Variants in CDK14 observed in about 807,000 individuals in gnomAD.
CDK14 encodes cyclin dependent kinase 14.
CDK14 carries 34 observed loss-of-function variants against 60.7 expected under a neutral mutation model. The ratio of observed to expected loss-of-function variants is 0.56; its 90% confidence interval spans 0.43 to 0.75. CDK14 has a LOEUF of 0.75. Ranked by LOEUF, CDK14 falls within the 30% of genes least tolerant of loss-of-function variation. The pLI is 0.00. For synonymous variants in CDK14, 197 were observed against 203.7 expected (o/e 0.97, Z 0.28); for missense variants, 482 against 564.1 (o/e 0.85, Z 1.47).
intron 2 of CDK14, among the ~76,000 whole-genome samples, chr7:90,660,640 A>T (rs1335455567): frequency 2.0e-5 from 3 of 152,242 alleles, no homozygotes; most frequent in Non-Finnish European, 4.4e-5. Context: ...ATACAATATC[A>T]GTGTCATACA....
At chr7:90,939,415 C>T (rs996405370) in intron 8 of CDK14, among the ~76,000 whole-genome samples, 1 of 152,168 alleles carries the variant, frequency 6.6e-6, no homozygotes, top group African/African-American at 2.4e-5. Context: ...CTTCTGTGAA[C>T]ACTCTTGGTC....
intron 5 of CDK14, among the ~76,000 whole-genome samples, chr7:90,845,833 G>C (rs1335524994): frequency 6.6e-6 from 1 of 152,012 alleles, no homozygotes; most frequent in Non-Finnish European, 1.5e-5. Flanking sequence ...CACTAAGTTA[G>C]GGTGGCAGTT....
intron 6 of CDK14, among the ~76,000 whole-genome samples, chr7:90,896,481 A>G (rs901981699): frequency 1.3e-5 from 2 of 152,148 alleles, no homozygotes; most frequent in Admixed American, 1.3e-4. Flanking sequence ...TCTTATTCCG[A>G]ATTTTTATTT....
At position 90,724,011 on chromosome 7, in the gene CDK14, C is replaced by A. The variant is rs1451660823; in HGVS notation, c.124-2556C>A. Among the ~76,000 whole-genome samples the A allele has an allele frequency of 2.6e-5, 4 of 152,240 alleles. 1 individual carries two copies. The South Asian group carries it at 6.2e-4, about 24-fold the overall frequency. ...GAAAGGGTTTCTGTACAATTGAAGT[C>A]ATTTCTTCCTTTAATGTTTGTTTTA... On this transcript the variant is annotated intron_variant, in intron 2 of 14. Coordinates refer to ENST00000380050, the MANE Select transcript of CDK14 (RefSeq NM_001287135.2).
At chr7:91,077,922 T>A (rs369106173) in intron 11 of CDK14, among the ~76,000 whole-genome samples, 1 of 152,082 alleles carries the variant, frequency 6.6e-6, no homozygotes, top group Non-Finnish European at 1.5e-5. Flanking sequence ...GTAGAAGAAA[T>A]GTAAATGGCC....
At chr7:91,054,800 A>G (rs1018574409) in intron 11 of CDK14, among the ~76,000 whole-genome samples, 6 of 152,218 alleles carry the variant, frequency 3.9e-5, no homozygotes. Flanking sequence ...TAGACAAATT[A>G]CAACTTACCA....
intron 8 of CDK14, among the ~76,000 whole-genome samples, chr7:90,922,232 T>C (rs1793275366): frequency 2.0e-5 from 3 of 152,222 alleles, no homozygotes; most frequent in Admixed American, 2.0e-4. Flanking sequence ...TGTATCTTTC[T>C]TTTAGAATAT....
At chr7:90,791,461 C>A (rs1022414124) in intron 5 of CDK14, among the ~76,000 whole-genome samples, 30 of 152,138 alleles carry the variant, frequency 2.0e-4, no homozygotes, top group Admixed American at 7.2e-4. Flanking sequence ...TTCTCTTCAT[C>A]CATAACAAGA....
At chr7:91,059,781 A>C (rs199600560) in intron 11 of CDK14, among the ~76,000 whole-genome samples, 4 of 126,008 alleles carry the variant, frequency 3.2e-5, no homozygotes, top group African/African-American at 8.7e-5. Context: ...AGTTTGTTAT[A>C]ATTTCTGTTC....
intron 2 of CDK14, chr7:90,710,420 A>G (rs1427637770): frequency 2.0e-6 from 2 of 985,176 alleles, no homozygotes; most frequent in Non-Finnish European, 2.4e-6. Context: ...ACTGATGTCC[A>G]TGAATTTAGC....
intron 8 of CDK14, among the ~76,000 whole-genome samples, chr7:90,950,969 CATAAG>C (rs56657606): frequency 0.15 from 23,097 of 152,088 alleles, 1,833 homozygotes; most frequent in Non-Finnish European, 0.18. Flanking sequence ...GTTACCACAT[CATAAG>C]ATATTTAATA....
At chr7:91,204,419 A>T (rs1802819544) in intron 14 of CDK14, among the ~76,000 whole-genome samples, 2 of 151,734 alleles carry the variant, frequency 1.3e-5, no homozygotes, top group African/African-American at 4.8e-5. Flanking sequence ...AGAAAAAAAA[A>T]GATAAATTGC....
chr7:91,163,007 A>G (rs1801218010), intron 14 of CDK14, among the ~76,000 whole-genome samples: 1 of 152,208 alleles, frequency 6.6e-6, no homozygotes, highest in Non-Finnish European at 1.5e-5. Flanking sequence ...GTTGTTCCTC[A>G]GTTACCATCC....
chr7:90,780,397 AATTT>A (rs1276472281), intron 4 of CDK14, among the ~76,000 whole-genome samples: 1 of 151,512 alleles, frequency 6.6e-6, no homozygotes, highest in Non-Finnish European at 1.5e-5. Context: ...AAAACTTATA[AATTT>A]ATTTATTTAT....
intron 4 of CDK14, among the ~76,000 whole-genome samples, chr7:90,784,910 A>G (rs1215678630): frequency 1.3e-5 from 2 of 152,350 alleles, no homozygotes; most frequent in South Asian, 2.1e-4. Flanking sequence ...TAAATGAAAC[A>G]CTATTAATAT....
intron 1 of CDK14, among the ~76,000 whole-genome samples, chr7:90,602,360 A>G (rs1301408801): frequency 6.6e-6 from 1 of 152,194 alleles, no homozygotes; most frequent in Non-Finnish European, 1.5e-5. Flanking sequence ...ATTTGAAATC[A>G]ATGGGCTATT....
chr7:91,101,034 G>A (rs908609806), intron 12 of CDK14, among the ~76,000 whole-genome samples: 19 of 152,120 alleles, frequency 1.2e-4, no homozygotes, highest in Non-Finnish European at 1.5e-5. Flanking sequence ...GTTAAGGCTG[G>A]ACTCTCCCCA....
intron 5 of CDK14, among the ~76,000 whole-genome samples, chr7:90,846,007 A>G (rs944340017): frequency 1.3e-4 from 20 of 152,042 alleles, no homozygotes; most frequent in African/African-American, 4.3e-4. Flanking sequence ...GTCTTTTTTT[A>G]TATAAAATAA....
At chr7:90,619,096 T>C (rs974716810) in intron 2 of CDK14, among the ~76,000 whole-genome samples, 1 of 152,226 alleles carries the variant, frequency 6.6e-6, no homozygotes, top group Non-Finnish European at 1.5e-5. Flanking sequence ...TCCACCTCCA[T>C]TGGGTATTTC....
Sources: gnomAD v4.1 joint callset for allele counts (sites outside exome capture counted in the v4.1 genomes callset) on GRCh38, gnomAD v4.1.1 for gene constraint, MANE v1.5 for transcripts, NCBI Gene and HGNC (gene_info 2026-07-23, HGNC 2026-07-21) for gene names.